KIAA1210: variants seen among roughly 807,000 people sequenced by gnomAD.
KIAA1210 encodes the protein acrosomal protein KIAA1210.
A neutral mutation model predicts 78.9 loss-of-function variants in KIAA1210; 48 were observed. The observed-to-expected ratio is 0.61, with a 90% CI of 0.48 to 0.77. KIAA1210 has a LOEUF of 0.77. Among genes scored for constraint, KIAA1210 ranks in the 30% least tolerant of loss-of-function variants. The pLI is 0.00. For missense variants in KIAA1210, 1,108 were observed against 1,100.0 expected, an observed-to-expected ratio of 1.01 and a Z score of -0.10; for synonymous variants, 406 against 404.5, an observed-to-expected ratio of 1.00 and a Z score of -0.04.
chrX:119,136,646 G>A (rs1928920038), intron 2 of KIAA1210, among the ~76,000 whole-genome samples: 1 of 111,235 alleles, frequency 9.0e-6, no homozygotes, highest in Non-Finnish European at 1.9e-5. Context: ...GGGCAACATG[G>A]CAAGACCCCA....
chrX:119,098,557 A>G (rs1927629875), intron 6 of KIAA1210, among the ~76,000 whole-genome samples: 3 of 103,720 alleles, frequency 2.9e-5, no homozygotes, highest in Non-Finnish European at 5.9e-5. Context: ...GTGAGCTGAG[A>G]TCACCCCACT....
At chrX:119,129,114 T>C (rs886547222), upstream of KIAA1210, among the ~76,000 whole-genome samples, 2 of 112,227 alleles carry the variant, frequency 1.8e-5, no homozygotes, top group East Asian at 2.8e-4. Context: ...TTGATCATCA[T>C]TGAATCTCCC....
At position 119,087,004 on chromosome X, in the gene KIAA1210, T is replaced by A. The variant is rs762008990; in HGVS notation, c.3698A>T (p.Lys1233Met). The change falls in exon 9 of 12, where the codon AAG becomes ATG. Residue 1233 changes from lysine to methionine, a missense_variant. Around this residue, in one of 5 missense-constraint regions of KIAA1210, gnomAD observed 245 missense variants for 278.8 expected, o/e 0.88. Transcript: ENST00000691062. ...GRDEAFAIKTKKFSQGSKNPI... is the reference protein window; with the variant it reads ...GRDEAFAIKTMKFSQGSKNPI... ...GTTTTTGGAACCTTGGCTGAATTTC[T>A]TGGTTTTGATTGCAAAAGCTTCATC... The A allele has an allele frequency of 2.5e-6, 3 of 1,211,567 alleles. No individual in the cohort carries two copies. The South Asian group carries it at 5.3e-5, about 21-fold the overall frequency.
chrX:119,137,383 A>T (rs1384349600), intron 2 of KIAA1210, among the ~76,000 whole-genome samples: 2 of 112,736 alleles, frequency 1.8e-5, no homozygotes, highest in African/African-American at 6.4e-5. Flanking sequence ...AAGAATACAC[A>T]TGAAACAATT....
At chrX:119,132,273 G>A (rs1603271965), upstream of KIAA1210, among the ~76,000 whole-genome samples, 1 of 111,988 alleles carries the variant, frequency 8.9e-6, no homozygotes, top group Admixed American at 9.5e-5. Context: ...TGGTATATTT[G>A]TGTTGTCATA....
intron 6 of KIAA1210, 144 bp downstream of exon 6, chrX:119,104,848 C>T: frequency 2.1e-6 from 1 of 484,717 alleles, no homozygotes; most frequent in Non-Finnish European, 3.3e-6. Context: ...GGAAAACCAC[C>T]ATGCAAATCA....
At chrX:119,085,734 C>T (rs1927112297) in intron 9 of KIAA1210, among the ~76,000 whole-genome samples, 188 bp from the exon 10 acceptor site, 1 of 112,435 alleles carries the variant, frequency 8.9e-6, no homozygotes, top group Middle Eastern at 4.6e-3. Flanking sequence ...GCAGGAGTTC[C>T]TTGGGTAGTA....
chrX:119,148,043 G>C (rs1049564579), intron 1 of KIAA1210, among the ~76,000 whole-genome samples: 2 of 111,217 alleles, frequency 1.8e-5, no homozygotes, highest in African/African-American at 6.6e-5. Context: ...GGGAGGCTGA[G>C]GCAGGAGGAT....
upstream of KIAA1210, among the ~76,000 whole-genome samples, chrX:119,128,619 A>G (rs1020666716): frequency 6.3e-5 from 7 of 111,715 alleles, no homozygotes; most frequent in Admixed American, 1.9e-4. Flanking sequence ...TGATCATCCT[A>G]GTTAAAATGC....
At chrX:119,108,601 G>A (rs1192022016) in intron 4 of KIAA1210, 130 bp from the exon 5 acceptor site, 36 of 814,857 alleles carry the variant, frequency 4.4e-5, no homozygotes, top group African/African-American at 6.4e-5. Flanking sequence ...ACGGTGGCTC[G>A]CGCATGTAAT....
At chrX:119,121,974 TAGAC>T (rs140997776) in intron 2 of KIAA1210, among the ~76,000 whole-genome samples, 12,636 of 108,988 alleles carry the variant, frequency 0.12, 788 homozygotes, top group Middle Eastern at 0.19. Flanking sequence ...TTCACCGTGT[TAGAC>T]AGGATGGTCT....
rs1243018386 is a variant in KIAA1210, at chrX:119,089,584, C to A, written c.1118G>T (p.Gly373Val). The A allele has an allele frequency of 8.3e-7, 1 of 1,211,394 alleles. No individual in the cohort carries two copies. Among genetic ancestry groups the A allele is most frequent in the Admixed American group, 2.2e-5 (1 of 46,023 alleles). Residue 373 changes from glycine to valine, a missense_variant, in exon 9 of 12, where the codon GGG becomes GTG. By Grantham distance (109) the Gly-to-Val change is moderately radical (BLOSUM62 -3). Transcript: ENST00000691062. ...RKGASVSGLS[G>V]CEFKGRSLKQ... Reference sequence around the variant, plus strand: ...AAGGCTTCTTCCTTTGAATTCACACCCACTCAATCCTGAAACACTTGCTCC... The same window carrying A: ...AAGGCTTCTTCCTTTGAATTCACACACACTCAATCCTGAAACACTTGCTCC...
intron 7 of KIAA1210, among the ~76,000 whole-genome samples, chrX:119,095,366 C>T (rs756312543): frequency 8.9e-6 from 1 of 111,998 alleles, no homozygotes; most frequent in Non-Finnish European, 1.9e-5. Context: ...ACTGACACAT[C>T]GTTTTAAACA....
intron 11 of KIAA1210, among the ~76,000 whole-genome samples, chrX:119,082,342 A>G (rs1926992161): frequency 8.9e-6 from 1 of 112,136 alleles, no homozygotes; most frequent in Non-Finnish European, 1.9e-5. Flanking sequence ...TGGCCAGAAA[A>G]TGGGTTCCTG....
chrX:119,094,841 A>G (rs974645003), intron 7 of KIAA1210, among the ~76,000 whole-genome samples: 1 of 111,070 alleles, frequency 9.0e-6, no homozygotes, highest in Non-Finnish European at 1.9e-5. Context: ...CAACTAGGCT[A>G]TACAGAAAGA....
chrX:119,142,553 GA>G (rs1443588775), intron 2 of KIAA1210, among the ~76,000 whole-genome samples: 1 of 110,104 alleles, frequency 9.1e-6, no homozygotes, highest in Non-Finnish European at 1.9e-5. Context: ...CGAGGTGGGT[GA>G]ATCACCTGAG....
intron 7 of KIAA1210, among the ~76,000 whole-genome samples, chrX:119,094,421 A>C (rs899118562): frequency 8.9e-6 from 1 of 112,194 alleles, no homozygotes; most frequent in African/African-American, 3.2e-5. Context: ...AGTGTCCGGA[A>C]TTTGCTTAGT....
At chrX:119,135,820 G>A (rs780428762) in intron 2 of KIAA1210, among the ~76,000 whole-genome samples, 2 of 111,931 alleles carry the variant, frequency 1.8e-5, no homozygotes, top group African/African-American at 3.2e-5. Flanking sequence ...TTGGGAGGCC[G>A]AGGCGGGCGG....
At position 119,089,359 on chromosome X, in the gene KIAA1210, A is replaced by T; in HGVS notation, c.1343T>A (p.Ile448Lys). 1 of 1,211,436 alleles carries T rather than the reference A, an allele frequency of 8.3e-7. No individual in the cohort carries two copies. Among genetic ancestry groups the T allele is most frequent in the Non-Finnish European group, 1.1e-6 (1 of 895,357 alleles). ...TGATGCTTTTCTGGATCCGAAATCT[A>T]TGCCAGCATTTCTCCTTCCCATGTC... ...KDDMGRRNAG[I>K]DFGSRKASAA... The change falls in exon 9 of 12, where the codon ATA becomes AAA. Residue 448 changes from isoleucine to lysine, a missense_variant. By Grantham distance (102) the Ile-to-Lys change is moderately radical. Around this residue, in one of 5 missense-constraint regions of KIAA1210, gnomAD observed 672 missense variants for 607.1 expected, o/e 1.11. Coordinates refer to ENST00000691062, the MANE Select transcript of KIAA1210 (RefSeq NM_001394962.1).
Sources: allele counts gnomAD v4.1 joint callset (sites outside exome capture counted in the v4.1 genomes callset), GRCh38; gene constraint gnomAD v4.1.1; regional missense constraint gnomAD v4.1.1; transcripts MANE v1.5; gene names NCBI Gene and HGNC (gene_info 2026-07-23, HGNC 2026-07-21).